The following L3MBTL4 variants were observed in gnomAD, a reference collection of about 807,000 sequenced individuals.
L3MBTL4 encodes the protein lethal(3)malignant brain tumor-like protein 4.
In L3MBTL4, 70 loss-of-function variants were observed where a neutral mutation model predicts 84.5. That is an observed-to-expected ratio of 0.83 (90% CI 0.68 to 1.01). The LOEUF is 1.01. Ranked by LOEUF, L3MBTL4 falls within the 50% of genes least tolerant of loss-of-function variation. L3MBTL4 has a pLI of 0.00. For missense variants in L3MBTL4, 715 were observed against 754.8 expected (o/e 0.95, Z 0.62); for synonymous variants, 274 against 259.8 (o/e 1.05, Z -0.52).
At chr18:6,347,855 G>A (rs2052991302) in intron 1 of L3MBTL4, among the ~76,000 whole-genome samples, 1 of 151,592 alleles carries the variant, frequency 6.6e-6, no homozygotes, top group Non-Finnish European at 1.5e-5. Flanking sequence ...CATAAGGATT[G>A]GAAGGGGAAA....
intron 14 of L3MBTL4, among the ~76,000 whole-genome samples, chr18:6,109,164 T>C (rs1055716033): frequency 2.0e-5 from 3 of 152,220 alleles, no homozygotes; most frequent in African/African-American, 4.8e-5. Context: ...ATGCAGTCTC[T>C]TTCTCAATAG....
intron 1 of L3MBTL4, among the ~76,000 whole-genome samples, chr18:6,380,348 T>C (rs558041988): frequency 2.0e-5 from 3 of 152,150 alleles, no homozygotes; most frequent in Admixed American, 2.0e-4. Context: ...TTATTTCTTG[T>C]CTTCTGCTAC....
At chr18:6,091,031 A>G (rs1568103308) in intron 15 of L3MBTL4, among the ~76,000 whole-genome samples, 1 of 152,138 alleles carries the variant, frequency 6.6e-6, no homozygotes, top group Non-Finnish European at 1.5e-5. Context: ...TTTCTGCTCA[A>G]CATGCAAAAG....
chr18:6,324,461 A>T (rs2051607945), intron 1 of L3MBTL4, among the ~76,000 whole-genome samples: 1 of 152,222 alleles, frequency 6.6e-6, no homozygotes, highest in Non-Finnish European at 1.5e-5. Context: ...AACCTTGCAA[A>T]GTCATAGGAG....
intron 12 of L3MBTL4, among the ~76,000 whole-genome samples, chr18:6,180,564 A>G (rs1157936826): frequency 6.6e-6 from 1 of 152,206 alleles, no homozygotes; most frequent in African/African-American, 2.4e-5. Flanking sequence ...TTCCCATAAC[A>G]AATATCATAG....
intron 16 of L3MBTL4, among the ~76,000 whole-genome samples, chr18:6,049,027 T>A (rs79381542): frequency 0.078 from 11,913 of 152,028 alleles, 1,169 homozygotes; most frequent in East Asian, 0.54. Context: ...GGTTCACACA[T>A]GTAATTCCAG....
intron 13 of L3MBTL4, among the ~76,000 whole-genome samples, chr18:6,145,026 G>T (rs1445978527): frequency 6.6e-6 from 1 of 152,090 alleles, no homozygotes; most frequent in Non-Finnish European, 1.5e-5. Flanking sequence ...TGTGTTACTT[G>T]CTGATAAAAA....
intron 16 of L3MBTL4, among the ~76,000 whole-genome samples, chr18:6,050,286 C>G (rs1406400244): frequency 1.3e-5 from 2 of 152,182 alleles, no homozygotes; most frequent in African/African-American, 4.8e-5. Context: ...GTTCTCCCCT[C>G]ATACTCTCCC....
intron 3 of L3MBTL4, among the ~76,000 whole-genome samples, chr18:6,310,636 A>G (rs1341598407): frequency 6.6e-6 from 1 of 152,220 alleles, no homozygotes; most frequent in Non-Finnish European, 1.5e-5. Flanking sequence ...ACATCCAAAT[A>G]CATGCTAAGA....
At chr18:6,306,970 C>T (rs753214421) in intron 3 of L3MBTL4, among the ~76,000 whole-genome samples, 4 of 152,100 alleles carry the variant, frequency 2.6e-5, no homozygotes, top group African/African-American at 4.8e-5. Flanking sequence ...AACATCTGCT[C>T]GAATCAGATA....
rs148257891 is a variant in L3MBTL4, at chr18:6,389,189, C to G, written c.-91+25612G>C. Among the ~76,000 whole-genome samples the G allele has an allele frequency of 4.4e-3, 671 of 152,278 alleles. 19 individuals carry two copies. The highest frequency in any genetic ancestry group is 0.038 in the Admixed American group (577 of 15,284). Reference sequence around the variant, plus strand: ...TGTCAGCCAAGAATTCTGTATCCAGCAAAATTAACTTTCACAAATGAAGGA... The same window carrying G: ...TGTCAGCCAAGAATTCTGTATCCAGGAAAATTAACTTTCACAAATGAAGGA... On this transcript the variant is annotated intron_variant, in intron 1 of 18. Transcript: ENST00000317931.
At chr18:6,062,867 G>C (rs1405569043) in intron 16 of L3MBTL4, among the ~76,000 whole-genome samples, 1 of 151,542 alleles carries the variant, frequency 6.6e-6, no homozygotes, top group Non-Finnish European at 1.5e-5. Context: ...TGGGGATACA[G>C]GTGGTTTTTG....
chr18:5,972,887 C>T (rs78785558), intron 16 of L3MBTL4, among the ~76,000 whole-genome samples: 20 of 26,676 alleles, frequency 7.5e-4, no homozygotes, highest in South Asian at 4.6e-3. Flanking sequence ...TAGAATAGAA[C>T]AGAAGAGAAT....
At chr18:5,982,193 C>T (rs9963238) in intron 16 of L3MBTL4, among the ~76,000 whole-genome samples, 12,175 of 152,180 alleles carry the variant, frequency 0.08, 1,121 homozygotes, top group East Asian at 0.27. Flanking sequence ...GAGCTACGAG[C>T]TCCCACCGGA....
intron 1 of L3MBTL4, among the ~76,000 whole-genome samples, chr18:6,354,896 TAG>T (rs1327132557): frequency 6.6e-6 from 1 of 152,092 alleles, no homozygotes; most frequent in Non-Finnish European, 1.5e-5. Context: ...AAATTAAAAA[TAG>T]AGTTACCATA....
At chr18:6,407,270 G>A (rs1460398497) in intron 1 of L3MBTL4, among the ~76,000 whole-genome samples, 1 of 152,208 alleles carries the variant, frequency 6.6e-6, no homozygotes, top group Non-Finnish European at 1.5e-5. Flanking sequence ...GCTCCTTCGA[G>A]TTCTTGGTCT....
At chr18:6,369,338 A>G (rs1390288304) in intron 1 of L3MBTL4, among the ~76,000 whole-genome samples, 1 of 152,184 alleles carries the variant, frequency 6.6e-6, no homozygotes, top group Non-Finnish European at 1.5e-5. Context: ...TGTGTCCTCC[A>G]GGGGACGGGC....
intron 1 of L3MBTL4, among the ~76,000 whole-genome samples, chr18:6,349,726 G>GA (rs893989770): frequency 1.5e-4 from 22 of 149,678 alleles, no homozygotes; most frequent in African/African-American, 3.4e-4. Flanking sequence ...TTTCAAAAAA[G>GA]AAAAAAAAAG....
At chr18:6,248,710 G>A (rs186821471) in intron 5 of L3MBTL4, among the ~76,000 whole-genome samples, 157 of 152,120 alleles carry the variant, frequency 1.0e-3, no homozygotes, top group African/African-American at 3.7e-3. Context: ...TCTTTTGCAC[G>A]TGGCTTTTTG....
Sources: allele counts gnomAD v4.1 joint callset (sites outside exome capture counted in the v4.1 genomes callset), GRCh38; gene constraint gnomAD v4.1.1; transcripts MANE v1.5; gene names NCBI Gene and HGNC (gene_info 2026-07-23, HGNC 2026-07-21).